MB21D2: variants seen among roughly 807,000 people sequenced by gnomAD.
MB21D2 encodes nucleotidyltransferase MB21D2.
In MB21D2, 9 loss-of-function variants were observed where a neutral mutation model predicts 33.3. The ratio of observed to expected loss-of-function variants is 0.27; its 90% confidence interval spans 0.16 to 0.47. The LOEUF is 0.47. MB21D2 is among the 20% of genes least tolerant of loss of function. The pLI, the probability that MB21D2 is intolerant of heterozygous loss-of-function variation, is 0.99. For missense variants in MB21D2, 540 were observed against 624.6 expected (o/e 0.86, Z 1.44); for synonymous variants, 241 against 236.3 (o/e 1.02, Z -0.18).
intron 1 of MB21D2, among the ~76,000 whole-genome samples, chr3:192,910,965 C>T (rs1714339505): frequency 6.6e-6 from 1 of 152,192 alleles, no homozygotes; most frequent in Non-Finnish European, 1.5e-5. Flanking sequence ...TGCACCTGAA[C>T]ACATGAAGTA....
intron 1 of MB21D2, among the ~76,000 whole-genome samples, chr3:192,819,216 C>A (rs1711992369): frequency 7.0e-6 from 1 of 143,768 alleles, no homozygotes; most frequent in Non-Finnish European, 1.5e-5. Flanking sequence ...TCTGCTAAGG[C>A]CCAGTTATAT....
chr3:192,876,610 G>A (rs544629090), intron 1 of MB21D2, among the ~76,000 whole-genome samples: 88 of 152,092 alleles, frequency 5.8e-4, no homozygotes, highest in Admixed American at 1.0e-3. Context: ...TTAGGATAGC[G>A]CCCTACATCC....
intron 1 of MB21D2, among the ~76,000 whole-genome samples, chr3:192,902,327 G>A (rs1714121345): frequency 6.6e-6 from 1 of 152,146 alleles, no homozygotes; most frequent in African/African-American, 2.4e-5. Flanking sequence ...GTTTTGTGAA[G>A]GTGCAAAGAG....
chr3:192,874,523 C>T (rs1713386964), intron 1 of MB21D2, among the ~76,000 whole-genome samples: 3 of 152,202 alleles, frequency 2.0e-5, no homozygotes, highest in Admixed American at 2.0e-4. Context: ...GCCCTATCCC[C>T]ACCACTTACT....
chr3:192,857,896 G>C (rs1489276694), intron 1 of MB21D2, among the ~76,000 whole-genome samples: 1 of 152,124 alleles, frequency 6.6e-6, no homozygotes, highest in Non-Finnish European at 1.5e-5. Context: ...AGGCTGAGGA[G>C]GGTGAATCAC....
At chr3:192,859,517 C>T (rs945787290) in intron 1 of MB21D2, among the ~76,000 whole-genome samples, 3 of 152,136 alleles carry the variant, frequency 2.0e-5, no homozygotes, top group African/African-American at 7.2e-5. Context: ...ATAACCCCAT[C>T]CCTGCCCTAC....
chr3:192,801,642 A>T (rs922035143), intron 1 of MB21D2, among the ~76,000 whole-genome samples: 1 of 152,180 alleles, frequency 6.6e-6, no homozygotes, highest in African/African-American at 2.4e-5. Flanking sequence ...GAAGACAGCC[A>T]TCTATGAACC....
At chr3:192,903,603 C>G (rs189284410) in intron 1 of MB21D2, among the ~76,000 whole-genome samples, 170 of 152,294 alleles carry the variant, frequency 1.1e-3, no homozygotes, top group South Asian at 3.3e-3. Flanking sequence ...TCAGATTTCT[C>G]ATCAGTAAAA....
chr3:192,911,810 T>C (rs149863880), intron 1 of MB21D2, among the ~76,000 whole-genome samples: 2 of 152,210 alleles, frequency 1.3e-5, no homozygotes, highest in Admixed American at 6.5e-5. Context: ...AAATGAATGT[T>C]TGGAGAGATC....
Position 192,883,128 on chromosome 3 carries a change from A to G in MB21D2, c.211+34502T>C, listed in dbSNP as rs10048955. Among the ~76,000 whole-genome samples, 198 of 152,208 alleles carry G rather than the reference A, an allele frequency of 1.3e-3. 2 individuals are homozygous for G. Among genetic ancestry groups the G allele is most frequent in the African/African-American group, 4.6e-3 (190 of 41,464 alleles). ...GGTAATCCACCCGTCTCGGCCTCCCAAAGTGCTGGGACGACAGGTGTAAGC... is the reference window on the plus strand; with the variant it reads ...GGTAATCCACCCGTCTCGGCCTCCCGAAGTGCTGGGACGACAGGTGTAAGC... On this transcript the variant is annotated intron_variant, in intron 1 of 1. Transcript: ENST00000392452.
intron 1 of MB21D2, among the ~76,000 whole-genome samples, chr3:192,867,459 A>C (rs1713194288): frequency 6.6e-6 from 1 of 152,204 alleles, no homozygotes; most frequent in South Asian, 2.1e-4. Flanking sequence ...AGTGACACAG[A>C]GCAAAAGGAG....
intron 1 of MB21D2, among the ~76,000 whole-genome samples, chr3:192,846,470 A>T (rs58934028): frequency 2.6e-5 from 4 of 152,142 alleles, no homozygotes; most frequent in African/African-American, 9.7e-5. Flanking sequence ...CCCTGCCCCA[A>T]TGCCACAAAC....
At chr3:192,916,782 G>T (rs756541741) in intron 1 of MB21D2, among the ~76,000 whole-genome samples, 3 of 152,202 alleles carry the variant, frequency 2.0e-5, no homozygotes, top group Admixed American at 1.3e-4. Context: ...GTGAGGGGCT[G>T]GAGGTGGGAG....
At chr3:192,879,681 A>C (rs1713518278) in intron 1 of MB21D2, among the ~76,000 whole-genome samples, 1 of 152,246 alleles carries the variant, frequency 6.6e-6, no homozygotes, top group African/African-American at 2.4e-5. Context: ...ATCTCTCTTA[A>C]TCAACTTTTA....
intron 1 of MB21D2, among the ~76,000 whole-genome samples, chr3:192,832,071 C>A (rs751226659): frequency 6.6e-6 from 1 of 152,152 alleles, no homozygotes; most frequent in Admixed American, 6.5e-5. Flanking sequence ...GTTCCTTAAA[C>A]CTGTTTGAGC....
At position 192,885,368 on chromosome 3, in the gene MB21D2, G is replaced by C. The variant is rs143380253; in HGVS notation, c.211+32262C>G. ...TTTAAAATCCCAAATCTTCTCCATT[G>C]CCAGAAAGTACATCTACAGTGATGG... On this transcript the variant is annotated intron_variant, in intron 1 of 1. Transcript: ENST00000392452. Among the ~76,000 whole-genome samples the C allele has an allele frequency of 1.1e-4, 17 of 152,036 alleles. No homozygotes were observed. The East Asian group carries it at 3.1e-3, about 28-fold the overall frequency.
At chr3:192,835,694 A>G (rs1273486762) in intron 1 of MB21D2, among the ~76,000 whole-genome samples, 1 of 152,150 alleles carries the variant, frequency 6.6e-6, no homozygotes, top group South Asian at 2.1e-4. Flanking sequence ...TAAAAAATTT[A>G]GATGAATCAC....
chr3:192,889,345 T>TTGGAATGGC (rs1713802354), intron 1 of MB21D2, among the ~76,000 whole-genome samples: 1 of 152,004 alleles, frequency 6.6e-6, no homozygotes, highest in South Asian at 2.1e-4. Context: ...GGTGAGTAGC[T>TTGGAATGGC]TGGAATGGCT....
rs1364049970 is a variant in MB21D2 at position 192,799,591 on chromosome 3, C to T, written c.271G>A (p.Gly91Arg). The change falls in exon 2 of 2, where the codon GGA becomes AGA. Residue 91 changes from glycine (G) to arginine (R), a missense_variant. Gly to Arg is a moderately radical substitution (Grantham distance 125). Coordinates refer to ENST00000392452, the MANE Select transcript of MB21D2 (RefSeq NM_178496.4). This position sits in a 1 kb window ranked among gnomAD's most constrained non-coding sequence, Gnocchi z 4.1. ...PVANEYLLLS[G>R]GVREGVVDLD... Reference sequence around the variant, plus strand: ...TCCACCACGCCTTCCCGGACACCTCCAGAGAGCAACAGGTATTCATTAGCC... The same window carrying T: ...TCCACCACGCCTTCCCGGACACCTCTAGAGAGCAACAGGTATTCATTAGCC... The T allele has an allele frequency of 7.4e-6, 12 of 1,614,194 alleles. No individual in the cohort carries two copies. Among genetic ancestry groups the T allele is most frequent in the Non-Finnish European group, 1.0e-5 (12 of 1,180,038 alleles).
Sources: allele counts gnomAD v4.1 joint callset (sites outside exome capture counted in the v4.1 genomes callset), GRCh38; gene constraint gnomAD v4.1.1; non-coding constraint Gnocchi (gnomAD v3.1); transcripts MANE v1.5; gene names NCBI Gene and HGNC (gene_info 2026-07-23, HGNC 2026-07-21).